NEO1: variants seen among roughly 807,000 people sequenced by gnomAD.
NEO1 encodes the protein neogenin 1, also known as neogenin.
Under a neutral mutation model 159.7 loss-of-function variants are expected in NEO1, and 63 were observed. The observed-to-expected ratio is 0.39, with a 90% CI of 0.32 to 0.49. The LOEUF (loss-of-function observed/expected upper bound fraction) is 0.49. NEO1 is among the 20% of genes least tolerant of loss of function. The pLI is 0.85. For synonymous variants in NEO1, 633 were observed against 662.0 expected, an observed-to-expected ratio of 0.96 and a Z score of 0.67; for missense variants, 1,615 against 1,831.0, an observed-to-expected ratio of 0.88 and a Z score of 2.15.
intron 13 of NEO1, among the ~76,000 whole-genome samples, chr15:73,257,889 G>A (rs1330860771): frequency 1.3e-5 from 2 of 152,156 alleles, no homozygotes; most frequent in African/African-American, 4.8e-5. Flanking sequence ...CATTGTGTGG[G>A]GAGACAAGGA....
At chr15:73,092,001 C>T (rs1212125925) in intron 1 of NEO1, among the ~76,000 whole-genome samples, 3 of 151,910 alleles carry the variant, frequency 2.0e-5, no homozygotes, top group African/African-American at 4.8e-5. Flanking sequence ...TTGTGATTAC[C>T]GAATAAAAGT....
chr15:73,248,675 A>G (rs1220882001), intron 9 of NEO1, among the ~76,000 whole-genome samples: 1 of 152,138 alleles, frequency 6.6e-6, no homozygotes, highest in South Asian at 2.1e-4. Context: ...GTAACTGTTT[A>G]TATGTCTGAC....
chr15:73,300,894 G>A (rs192417821), intron 27 of NEO1, among the ~76,000 whole-genome samples: 116 of 152,302 alleles, frequency 7.6e-4, no homozygotes, highest in African/African-American at 2.4e-3. Flanking sequence ...CTGCACGTGC[G>A]TGTCAGTGAA....
At chr15:73,238,060 C>G (rs972218668) in intron 8 of NEO1, among the ~76,000 whole-genome samples, 3 of 152,074 alleles carry the variant, frequency 2.0e-5, no homozygotes, top group Non-Finnish European at 4.4e-5. Context: ...CCAGCCTGTT[C>G]CCAAGCTAAT....
chr15:73,114,537 T>C (rs1482963039), intron 1 of NEO1, among the ~76,000 whole-genome samples: 2 of 152,184 alleles, frequency 1.3e-5, no homozygotes, highest in African/African-American at 4.8e-5. Context: ...TCACTCTTAC[T>C]TTTTCAAACA....
rs542696274 is a variant in NEO1, at chr15:73,230,007, GTTTC to G, written c.1292-6332_1292-6329del. 2.9e-4 allele frequency among the ~76,000 whole-genome samples: 44 copies of G among 152,142 alleles called. No individual in the cohort carries two copies. The East Asian group carries it at 8.5e-3, about 29-fold the overall frequency. On this transcript the variant is annotated intron_variant, in intron 7 of 28. Coordinates refer to ENST00000261908, the MANE Select transcript of NEO1 (RefSeq NM_002499.4). ...CTGTTGCTTTCTTTTCATGTGTCGT[GTTTC>G]TTTCTTTTCTTTGTCGGGCTTTGAT...
intron 1 of NEO1, among the ~76,000 whole-genome samples, chr15:73,076,027 A>G (rs2068753048): frequency 6.6e-6 from 1 of 152,172 alleles, no homozygotes; most frequent in South Asian, 2.1e-4. Context: ...CATATTTGCA[A>G]TAATTTAGGG....
intron 7 of NEO1, among the ~76,000 whole-genome samples, chr15:73,186,168 C>T (rs1404758065): frequency 6.9e-6 from 1 of 144,706 alleles, no homozygotes; most frequent in Non-Finnish European, 1.5e-5. Context: ...GACTTTTTGC[C>T]AGAAAAAAAA....
At chr15:73,273,155 C>G (rs1350192920) in intron 19 of NEO1, among the ~76,000 whole-genome samples, 1 of 152,214 alleles carries the variant, frequency 6.6e-6, no homozygotes, top group Non-Finnish European at 1.5e-5. Context: ...AGGGGACACT[C>G]TGCCTTCCTC....
chr15:73,120,405 G>A (rs1397515968), intron 2 of NEO1, among the ~76,000 whole-genome samples: 1 of 149,928 alleles, frequency 6.7e-6, no homozygotes, highest in African/African-American at 2.4e-5. Context: ...AAAAAAATAA[G>A]AAAAAGAAAA....
In NEO1 at chr15:73,107,042, A is replaced by T. The variant is rs558901613; in HGVS notation, c.131-9498A>T. ...AGTGACTTTCTAAACCAATAAGATG[A>T]AATAGATTTTTTAGGAGACTTTTAA... On this transcript the variant is annotated intron_variant, in intron 1 of 28. Transcript: ENST00000261908. 2.0e-5 allele frequency among the ~76,000 whole-genome samples: 3 copies of T among 152,322 alleles called. No homozygotes were observed. The South Asian group carries it at 6.2e-4, about 32-fold the overall frequency.
chr15:73,060,037 T>TA (rs35245604), intron 1 of NEO1, among the ~76,000 whole-genome samples: 2,314 of 147,894 alleles, frequency 0.016, 73 homozygotes, highest in African/African-American at 0.054. Context: ...GCTGTAGTGG[T>TA]AAAAAAAAAA....
chr15:73,165,780 G>T (rs138874216), intron 5 of NEO1, among the ~76,000 whole-genome samples: 1 of 152,196 alleles, frequency 6.6e-6, no homozygotes, highest in South Asian at 2.1e-4. Context: ...GAATGCAAAG[G>T]CTTTTTAAAA....
chr15:73,139,152 C>T (rs900360218), intron 5 of NEO1, among the ~76,000 whole-genome samples: 1 of 152,044 alleles, frequency 6.6e-6, no homozygotes, highest in Admixed American at 6.6e-5. Context: ...ATCACATATA[C>T]ACCATACACA....
chr15:73,094,549 C>G (rs1377741752), intron 1 of NEO1, among the ~76,000 whole-genome samples: 3 of 152,134 alleles, frequency 2.0e-5, no homozygotes, highest in Non-Finnish European at 4.4e-5. Context: ...AATAGCCTTT[C>G]TAAAGATTTT....
rs1448903193 is a variant in NEO1 at position 73,303,856 on chromosome 15, T to C, written c.*1160T>C. The C allele has an allele frequency of 5.3e-5, 8 of 152,056 alleles. No homozygotes were observed. Among genetic ancestry groups the C allele is most frequent in the Admixed American group, 5.2e-4 (8 of 15,278 alleles). The allele number at this position is 152,056 out of a possible 1,614,324, so 9.4% of individuals were successfully genotyped here. A position where few individuals can be genotyped will look rare whatever the true frequency, so the allele number is the denominator to read the frequency against. ...GAAAGCAAGGATGGAGACCCTTTCC[T>C]GCTGCTATTATTGGCTCTCTTTGAG... On this transcript the variant is annotated 3_prime_UTR_variant, in exon 29 of 29. Coordinates refer to ENST00000261908, the MANE Select transcript of NEO1 (RefSeq NM_002499.4).
intron 7 of NEO1, among the ~76,000 whole-genome samples, chr15:73,183,163 T>G (rs2035714552): frequency 1.3e-5 from 2 of 152,104 alleles, no homozygotes; most frequent in South Asian, 4.2e-4. Flanking sequence ...AAGCCATCTC[T>G]GTGGTGTAGG....
At chr15:73,068,847 TG>T (rs961695440) in intron 1 of NEO1, among the ~76,000 whole-genome samples, 106 of 152,204 alleles carry the variant, frequency 7.0e-4, no homozygotes, top group African/African-American at 2.4e-3. Flanking sequence ...AAAAGAATAG[TG>T]TTTTTTTTTA....
chr15:73,248,505 C>G (rs946129496), intron 9 of NEO1, among the ~76,000 whole-genome samples: 1 of 152,150 alleles, frequency 6.6e-6, no homozygotes, highest in Non-Finnish European at 1.5e-5. Context: ...ATGATTTTCC[C>G]CTTGGTATCT....
Sources: allele counts gnomAD v4.1 joint callset (sites outside exome capture counted in the v4.1 genomes callset), GRCh38; gene constraint gnomAD v4.1.1; transcripts MANE v1.5; gene names NCBI Gene and HGNC (gene_info 2026-07-23, HGNC 2026-07-21).